Variants in HEG1 observed in about 807,000 individuals in gnomAD.
The protein encoded by HEG1 is heart development protein with EGF like domains 1.
Under a neutral mutation model 125.6 loss-of-function variants are expected in HEG1, and 56 were observed. The ratio of observed to expected loss-of-function variants is 0.45; its 90% CI spans 0.36 to 0.56. The LOEUF is 0.56. Among genes scored for constraint, HEG1 ranks in the 20% least tolerant of loss-of-function variants. The probability of loss-of-function intolerance (pLI) is 0.00; values close to 1 mark genes in which losing one functional copy is unlikely to be tolerated. For synonymous variants in HEG1, 644 were observed against 668.5 expected, an observed-to-expected ratio of 0.96 and a Z score of 0.57; for missense variants, 1,523 against 1,670.0, an observed-to-expected ratio of 0.91 and a Z score of 1.53.
At chr3:125,047,797 C>T (rs1315829277) in intron 1 of HEG1, among the ~76,000 whole-genome samples, 3 of 152,182 alleles carry the variant, frequency 2.0e-5, no homozygotes, top group Non-Finnish European at 4.4e-5. Flanking sequence ...AAGCAGGTGT[C>T]TCTCTCCTGC....
rs943673583 is a variant in HEG1 at position 125,055,634 on chromosome 3, T to G, written c.257A>C (p.Glu86Ala). ...TCCCCGCTGTGTCGCGGCGCCTGGC[T>G]CAGGGGCCCTGTAGCTGGGGCCGGG... ...ATPGPSYRAP[E>A]PGAATQRGPS... is the part of the protein sequence containing the mutation. Residue 86 changes from glutamate to alanine, a missense_variant, in exon 1 of 17, where the codon GAG becomes GCG. Glu to Ala is a moderately radical substitution (Grantham distance 107). Coordinates refer to ENST00000311127, the MANE Select transcript of HEG1 (RefSeq NM_020733.2). 1 of 1,198,500 alleles carries G rather than the reference T, an allele frequency of 8.3e-7. No homozygotes were observed. Among genetic ancestry groups the G allele is most frequent in the African/African-American group, 1.6e-5 (1 of 62,830 alleles). 74.2% of individuals were successfully genotyped at this position (1,198,500 alleles called of 1,614,324 possible).
chr3:125,046,589 T>C (rs1937674619), intron 1 of HEG1, among the ~76,000 whole-genome samples: 1 of 152,184 alleles, frequency 6.6e-6, no homozygotes, highest in Non-Finnish European at 1.5e-5. Context: ...TAGTTTTCAA[T>C]AGAGCCTGCA....
chr3:124,994,752 C>T (rs1936891508), intron 12 of HEG1, among the ~76,000 whole-genome samples: 1 of 152,228 alleles, frequency 6.6e-6, no homozygotes, highest in Non-Finnish European at 1.5e-5. Context: ...GATCCTCCCG[C>T]CTCAGCCTCC....
chr3:124,997,946 GT>G, intron 11 of HEG1, 123 bp from the exon 12 acceptor site: 1 of 1,181,544 alleles, frequency 8.5e-7, no homozygotes, highest in Non-Finnish European at 1.1e-6. Flanking sequence ...GCTGAGAACA[GT>G]TTTCCGAAAA....
At chr3:124,995,929 G>C (rs1936914726) in intron 12 of HEG1, among the ~76,000 whole-genome samples, 1 of 152,152 alleles carries the variant, frequency 6.6e-6, no homozygotes, top group Admixed American at 6.6e-5. Flanking sequence ...AAGCAAAGGT[G>C]ATAGGGCCAT....
At chr3:124,983,365 C>G (rs1936685270) in intron 14 of HEG1, among the ~76,000 whole-genome samples, 1 of 151,722 alleles carries the variant, frequency 6.6e-6, no homozygotes, top group South Asian at 2.1e-4. Context: ...GAGACAGGGT[C>G]TTGCTCTGTC....
chr3:124,970,876 AT>A, intron 16 of HEG1, 75 bp from the exon 17 acceptor site: 2 of 1,227,186 alleles, frequency 1.6e-6, no homozygotes, highest in Non-Finnish European at 2.3e-6. Flanking sequence ...AATCCCAATG[AT>A]TTTAGACCAA....
intron 6 of HEG1, among the ~76,000 whole-genome samples, chr3:125,011,992 C>A (rs954560170): frequency 2.0e-5 from 3 of 152,166 alleles, no homozygotes; most frequent in African/African-American, 7.2e-5. Context: ...GAGCTCTGGC[C>A]GTGCGGTCAC....
intron 14 of HEG1, among the ~76,000 whole-genome samples, chr3:124,985,813 T>C (rs1297537728): frequency 6.6e-6 from 1 of 152,238 alleles, no homozygotes; most frequent in Non-Finnish European, 1.5e-5. Context: ...AGTCTTGCTC[T>C]GTCGCCCAGG....
At chr3:124,974,270 A>C (rs1471235152) in intron 15 of HEG1, among the ~76,000 whole-genome samples, 1 of 152,112 alleles carries the variant, frequency 6.6e-6, no homozygotes, top group Non-Finnish European at 1.5e-5. Context: ...CTGGAGCCAG[A>C]GGGGCCCTTA....
intron 14 of HEG1, among the ~76,000 whole-genome samples, chr3:124,988,693 C>T (rs534744175): frequency 2.0e-5 from 3 of 152,104 alleles, no homozygotes; most frequent in East Asian, 3.9e-4. Flanking sequence ...CCGAGGTGGG[C>T]GGATTACAAG....
rs965491106 is a variant in HEG1 at position 124,970,687 on chromosome 3, T to C, written c.4111A>G (p.Ile1371Val). The change falls in exon 17 of 17, where the codon ATC becomes GTC. Residue 1371 changes from isoleucine (I) to valine (V), a missense_variant. By Grantham distance (29) the Ile-to-Val change is conservative (BLOSUM62 3). Coordinates refer to ENST00000311127, the MANE Select transcript of HEG1 (RefSeq NM_020733.2). Reference sequence around the variant, plus strand: ...TCTCTTCTTCTGCTTTCATCACTGATGAAAGACGGGTTATACTGTCCGGGG... The same window carrying C: ...TCTCTTCTTCTGCTTTCATCACTGACGAAAGACGGGTTATACTGTCCGGGG... ...IFPGQYNPSFISDESRRRDYF is the reference protein window; with the variant it reads ...IFPGQYNPSFVSDESRRRDYF 6.2e-7 allele frequency: 1 copy of C among 1,606,988 alleles called. No individual in the cohort carries two copies. Among genetic ancestry groups the C allele is most frequent in the Non-Finnish European group, 8.5e-7 (1 of 1,176,778 alleles).
chr3:125,037,806 T>C (rs1395619362), intron 1 of HEG1, among the ~76,000 whole-genome samples: 2 of 152,228 alleles, frequency 1.3e-5, no homozygotes, highest in African/African-American at 4.8e-5. Flanking sequence ...AGACTGTGGT[T>C]CAAGTCAGAC....
At chr3:125,033,172 A>G (rs773858404) in intron 1 of HEG1, among the ~76,000 whole-genome samples, 5 of 152,248 alleles carry the variant, frequency 3.3e-5, no homozygotes, top group Non-Finnish European at 5.9e-5. Context: ...AAAAATTTCT[A>G]AAAGCACTGC....
At chr3:125,031,427 CCA>C (rs1285231736) in intron 1 of HEG1, among the ~76,000 whole-genome samples, 1 of 152,134 alleles carries the variant, frequency 6.6e-6, no homozygotes, top group Non-Finnish European at 1.5e-5. Flanking sequence ...GAGGACAGGG[CCA>C]CATGAAGTTG....
At chr3:125,005,010 C>T (rs931859387) in intron 9 of HEG1, among the ~76,000 whole-genome samples, 18 of 152,196 alleles carry the variant, frequency 1.2e-4, no homozygotes, top group African/African-American at 4.3e-4. Context: ...TATGAGTTTG[C>T]ACATGGAAAA....
Position 124,968,844 on chromosome 3 carries a change from G to A in HEG1, c.*1808C>T, listed in dbSNP as rs553243373. ...AGAGAGAGGCCCAAGATTTCAAAAA[G>A]GCGACACTTTGAAATTTTAGGTTAG... is the stretch of plus-strand genomic sequence containing the variant. On this transcript the variant is annotated 3_prime_UTR_variant, in exon 17 of 17. Transcript: ENST00000311127. 6.6e-6 allele frequency: 1 copy of A among 152,304 alleles called. No homozygotes were observed. Among genetic ancestry groups the A allele is most frequent in the South Asian group, 2.1e-4 (1 of 4,832 alleles). 9.4% of individuals were successfully genotyped at this position (152,304 alleles called of 1,614,324 possible). A position where few individuals can be genotyped will look rare whatever the true frequency, so the allele number is the denominator to read the frequency against.
At chr3:125,041,024 C>A (rs1267100264) in intron 1 of HEG1, among the ~76,000 whole-genome samples, 2 of 152,200 alleles carry the variant, frequency 1.3e-5, no homozygotes, top group Non-Finnish European at 2.9e-5. Flanking sequence ...ACATAAGTCA[C>A]CTGCCCAGGT....
At chr3:125,041,483 A>C (rs1937593132) in intron 1 of HEG1, among the ~76,000 whole-genome samples, 1 of 152,236 alleles carries the variant, frequency 6.6e-6, no homozygotes, top group Non-Finnish European at 1.5e-5. Flanking sequence ...AGAACTCAGA[A>C]CACTCCCGCA....
Sources: gnomAD v4.1 joint callset for allele counts (sites outside exome capture counted in the v4.1 genomes callset) on GRCh38, gnomAD v4.1.1 for gene constraint, MANE v1.5 for transcripts, NCBI Gene and HGNC (gene_info 2026-07-23, HGNC 2026-07-21) for gene names.